FARS2: variants seen among roughly 807,000 people sequenced by gnomAD.
FARS2 encodes phenylalanine--tRNA ligase, mitochondrial.
FARS2 carries 40 observed loss-of-function variants against 46.4 expected under a neutral mutation model. The observed-to-expected ratio is 0.86, with a 90% CI of 0.67 to 1.12. The LOEUF is 1.12. FARS2 is among the 50% of genes most tolerant of loss of function. The pLI, the probability that FARS2 is intolerant of heterozygous loss-of-function variation, is 0.00. For missense variants in FARS2, 513 were observed against 567.9 expected (o/e 0.90, Z 0.98); for synonymous variants, 234 against 214.9 (o/e 1.09, Z -0.78).
At chr6:5,611,346 C>T (rs940434968) in intron 5 of FARS2, among the ~76,000 whole-genome samples, 10 of 152,098 alleles carry the variant, frequency 6.6e-5, no homozygotes, top group African/African-American at 1.4e-4. Context: ...TACAGAACGT[C>T]GGAAAGAGGT....
intron 5 of FARS2, among the ~76,000 whole-genome samples, chr6:5,570,211 T>C (rs2150557616): frequency 6.6e-6 from 1 of 152,366 alleles, no homozygotes; most frequent in Admixed American, 6.5e-5. Flanking sequence ...TAGAATAAAA[T>C]GTTCTATCTA....
At chr6:5,434,600 C>T (rs922067421) in intron 4 of FARS2, among the ~76,000 whole-genome samples, 8 of 152,158 alleles carry the variant, frequency 5.3e-5, no homozygotes, top group African/African-American at 1.9e-4. Flanking sequence ...AACTGCCTGG[C>T]AGTCACTAAC....
intron 6 of FARS2, among the ~76,000 whole-genome samples, chr6:5,674,219 A>G (rs1263321376): frequency 6.7e-6 from 1 of 148,612 alleles, no homozygotes; most frequent in Non-Finnish European, 1.5e-5. Context: ...AAAAAAGGAA[A>G]GAAAAAGAAA....
At chr6:5,631,445 C>A (rs1211748014) in intron 6 of FARS2, among the ~76,000 whole-genome samples, 4 of 152,098 alleles carry the variant, frequency 2.6e-5, no homozygotes, top group Admixed American at 6.5e-5. Context: ...TTGAAAAATC[C>A]TAATAGTTAA....
chr6:5,364,321 C>T (rs1758509153), intron 1 of FARS2, among the ~76,000 whole-genome samples: 2 of 152,208 alleles, frequency 1.3e-5, no homozygotes, highest in African/African-American at 2.4e-5. Context: ...AAGGATGATA[C>T]ATGGCACCTA....
At chr6:5,383,880 G>T (rs577236796) in intron 2 of FARS2, among the ~76,000 whole-genome samples, 1 of 151,872 alleles carries the variant, frequency 6.6e-6, no homozygotes, top group African/African-American at 2.4e-5. Context: ...TGGGGCCTTT[G>T]TCCTGTTATA....
chr6:5,611,922 A>T (rs1775210633), intron 5 of FARS2, among the ~76,000 whole-genome samples: 1 of 152,222 alleles, frequency 6.6e-6, no homozygotes, highest in Non-Finnish European at 1.5e-5. Context: ...TCAGTCTCTT[A>T]TCTCCCTAAA....
chr6:5,389,087 T>C (rs998874242), intron 2 of FARS2, among the ~76,000 whole-genome samples: 5 of 152,228 alleles, frequency 3.3e-5, no homozygotes, highest in African/African-American at 1.2e-4. Flanking sequence ...TTTTCCTTCC[T>C]AATTAAGCTG....
At chr6:5,403,092 T>G (rs2127715973) in intron 2 of FARS2, among the ~76,000 whole-genome samples, 1 of 152,340 alleles carries the variant, frequency 6.6e-6, no homozygotes, top group Non-Finnish European at 1.5e-5. Context: ...CTCTAAATTA[T>G]TTTTAGAGGA....
chr6:5,504,316 A>G (rs1204562220), intron 4 of FARS2, among the ~76,000 whole-genome samples: 1 of 152,114 alleles, frequency 6.6e-6, no homozygotes, highest in Non-Finnish European at 1.5e-5. Context: ...AATCATAAAG[A>G]GAGACAATTA....
intron 6 of FARS2, among the ~76,000 whole-genome samples, chr6:5,752,876 C>G (rs144713286): frequency 1.4e-3 from 200 of 144,016 alleles, no homozygotes; most frequent in African/African-American, 4.7e-3. Context: ...CTCCCCAAGA[C>G]CCCCCCCAGG....
intron 3 of FARS2, among the ~76,000 whole-genome samples, chr6:5,405,439 A>G (rs1226274438): frequency 7.2e-6 from 1 of 138,268 alleles, no homozygotes; most frequent in Non-Finnish European, 1.5e-5. Context: ...GTATATTATT[A>G]TGTTATCATT....
chr6:5,484,416 G>A (rs559557395), intron 4 of FARS2, among the ~76,000 whole-genome samples: 3 of 152,308 alleles, frequency 2.0e-5, no homozygotes, highest in Admixed American at 6.5e-5. Context: ...GTGATGATGG[G>A]AATGTTCCAT....
intron 1 of FARS2, among the ~76,000 whole-genome samples, chr6:5,366,756 A>C (rs1758706175): frequency 6.6e-6 from 1 of 152,230 alleles, no homozygotes. Flanking sequence ...ACAATTCTGA[A>C]CTTTGTCTAA....
At chr6:5,567,925 T>C (rs1561718861) in intron 5 of FARS2, among the ~76,000 whole-genome samples, 2 of 152,376 alleles carry the variant, frequency 1.3e-5, no homozygotes, top group East Asian at 3.9e-4. Flanking sequence ...TCTAGGATGC[T>C]ATGAAAGTGA....
At chr6:5,744,486 G>A (rs1761529714) in intron 6 of FARS2, among the ~76,000 whole-genome samples, 1 of 152,168 alleles carries the variant, frequency 6.6e-6, no homozygotes, top group Non-Finnish European at 1.5e-5. Flanking sequence ...GGCTTTGTGG[G>A]GTTAGTTAAC....
At chr6:5,569,339 C>T (rs564449361) in intron 5 of FARS2, among the ~76,000 whole-genome samples, 7 of 151,612 alleles carry the variant, frequency 4.6e-5, no homozygotes, top group Non-Finnish European at 7.4e-5. Context: ...TGGGCTCGGT[C>T]GATCCTCCCA....
intron 6 of FARS2, among the ~76,000 whole-genome samples, chr6:5,717,541 G>T (rs1325851981): frequency 1.3e-5 from 2 of 151,932 alleles, no homozygotes; most frequent in Non-Finnish European, 2.9e-5. Flanking sequence ...CCTCTGTATT[G>T]CCTGAAAACT....
At chr6:5,688,369 C>T (rs918826075) in intron 6 of FARS2, among the ~76,000 whole-genome samples, 3 of 152,158 alleles carry the variant, frequency 2.0e-5, no homozygotes, top group African/African-American at 4.8e-5. Context: ...TCTTGAGATA[C>T]GTCCCATCAA....
Sources: gnomAD v4.1 joint callset for allele counts (sites outside exome capture counted in the v4.1 genomes callset) on GRCh38, gnomAD v4.1.1 for gene constraint, MANE v1.5 for transcripts, NCBI Gene and HGNC (gene_info 2026-07-23, HGNC 2026-07-21) for gene names.